The following CHRM5 variants were observed in gnomAD, a reference collection of about 807,000 sequenced individuals.
CHRM5 encodes the protein muscarinic acetylcholine receptor M5.
A neutral mutation model predicts 39.0 loss-of-function variants in CHRM5; 18 were observed. That is an observed-to-expected ratio of 0.46 (90% CI 0.32 to 0.68). The LOEUF is 0.68. Among genes scored for constraint, CHRM5 ranks in the 30% least tolerant of loss-of-function variants. The pLI is 0.04. For synonymous variants in CHRM5, 241 were observed against 246.3 expected, an observed-to-expected ratio of 0.98 and a Z score of 0.20; for missense variants, 515 against 651.1, an observed-to-expected ratio of 0.79 and a Z score of 2.28.
At chr15:34,039,356 C>T (rs1230381712) in intron 1 of CHRM5, among the ~76,000 whole-genome samples, 2 of 151,108 alleles carry the variant, frequency 1.3e-5, no homozygotes, top group Admixed American at 6.6e-5. Context: ...GGGGAGAGAC[C>T]GTGCTAAGTG....
chr15:34,062,520 A>G (rs1284121353), intron 2 of CHRM5, 123 bp from the exon 3 acceptor site: 1 of 541,504 alleles, frequency 1.8e-6, no homozygotes, highest in Non-Finnish European at 3.1e-6. Flanking sequence ...GCACCACTGC[A>G]CTCCAGCCTG....
At chr15:34,030,051 C>G (rs1446886989) in intron 1 of CHRM5, among the ~76,000 whole-genome samples, 2 of 152,042 alleles carry the variant, frequency 1.3e-5, no homozygotes, top group Admixed American at 6.6e-5. Flanking sequence ...GTCAGGAGTT[C>G]GAGCCCAGCC....
At chr15:34,029,780 T>C (rs12903907) in intron 1 of CHRM5, among the ~76,000 whole-genome samples, 27,484 of 152,134 alleles carry the variant, frequency 0.18, 2,697 homozygotes, top group Middle Eastern at 0.29. Context: ...GTATCTGTAA[T>C]AGGGATTAAG....
At chr15:33,993,951 T>G (rs1017294654) in intron 1 of CHRM5, among the ~76,000 whole-genome samples, 10 of 152,258 alleles carry the variant, frequency 6.6e-5, no homozygotes, top group Admixed American at 2.0e-4. Context: ...CTTATTTAAG[T>G]ATTCATTCCA....
intron 1 of CHRM5, among the ~76,000 whole-genome samples, chr15:34,026,296 A>C (rs745618021): frequency 1.3e-5 from 2 of 152,070 alleles, no homozygotes; most frequent in Non-Finnish European, 2.9e-5. Flanking sequence ...GGGCACTTTT[A>C]TTTTCTTCTT....
chr15:33,971,630 AG>A (rs968069213), intron 1 of CHRM5, among the ~76,000 whole-genome samples: 22 of 152,206 alleles, frequency 1.4e-4, no homozygotes, highest in African/African-American at 5.1e-4. Flanking sequence ...TTCAACTTAA[AG>A]GGACATTGCA....
chr15:34,026,520 T>A (rs2140739911), intron 1 of CHRM5, among the ~76,000 whole-genome samples: 1 of 152,288 alleles, frequency 6.6e-6, no homozygotes, highest in Non-Finnish European at 1.5e-5. Flanking sequence ...CAGGAGGTAA[T>A]GTGTGTCAAT....
chr15:34,019,600 T>C (rs1488176226), intron 1 of CHRM5, among the ~76,000 whole-genome samples: 1 of 152,216 alleles, frequency 6.6e-6, no homozygotes, highest in Non-Finnish European at 1.5e-5. Flanking sequence ...AAGCACCCCA[T>C]ACAGGTTTAC....
intron 1 of CHRM5, among the ~76,000 whole-genome samples, chr15:34,042,066 G>A (rs1032302176): frequency 1.3e-5 from 2 of 152,174 alleles, no homozygotes; most frequent in Admixed American, 6.5e-5. Flanking sequence ...CTTTCAACAA[G>A]GATACGGTAT....
At chr15:33,983,653 C>CT (rs1010122896) in intron 1 of CHRM5, among the ~76,000 whole-genome samples, 1 of 152,094 alleles carries the variant, frequency 6.6e-6, no homozygotes, top group African/African-American at 2.4e-5. Flanking sequence ...GAAATTCCTC[C>CT]TTCCATGGAT....
chr15:34,063,368 C>T lies in CHRM5; in HGVS notation c.651C>T (p.Tyr217=). 6.2e-7 allele frequency: 1 copy of T among 1,614,118 alleles called. No homozygotes were observed. Among genetic ancestry groups the T allele is most frequent in the Non-Finnish European group, 8.5e-7 (1 of 1,180,036 alleles). ...TGACCATCCTCTACTGTCGAATCTA[C>T]CGGGAAACAGAGAAGCGAACCAAGG... ...SVMTILYCRI[Y]RETEKRTKDL... The change falls in exon 3 of 3, where the codon TAC becomes TAT. Residue 217 remains tyrosine, a synonymous_variant. Coordinates refer to ENST00000383263, the MANE Select transcript of CHRM5 (RefSeq NM_012125.4). This position sits in a 1 kb window ranked among gnomAD's most constrained non-coding sequence, Gnocchi z 4.1.
chr15:34,013,653 G>A (rs931186409), intron 1 of CHRM5, among the ~76,000 whole-genome samples: 41 of 152,170 alleles, frequency 2.7e-4, no homozygotes, highest in African/African-American at 9.7e-4. Context: ...TGGGAAACAC[G>A]GAGAAGTAAA....
intron 1 of CHRM5, among the ~76,000 whole-genome samples, chr15:34,031,663 C>T (rs142053178): frequency 1.2e-4 from 19 of 152,212 alleles, no homozygotes; most frequent in Middle Eastern, 3.4e-3. Flanking sequence ...GTGCTGTTTG[C>T]ACACACACCA....
intron 1 of CHRM5, among the ~76,000 whole-genome samples, chr15:34,026,297 T>C (rs1356342037): frequency 6.6e-6 from 1 of 152,236 alleles, no homozygotes; most frequent in Non-Finnish European, 1.5e-5. Context: ...GGCACTTTTA[T>C]TTTCTTCTTG....
intron 1 of CHRM5, among the ~76,000 whole-genome samples, chr15:34,040,053 C>T (rs566818865): frequency 1.6e-3 from 239 of 152,322 alleles, no homozygotes; most frequent in Non-Finnish European, 2.8e-4. Flanking sequence ...GTGTTTTCTT[C>T]CCCCTCAGTA....
intron 1 of CHRM5, among the ~76,000 whole-genome samples, chr15:34,001,281 C>T (rs537666795): frequency 6.6e-6 from 1 of 152,284 alleles, no homozygotes; most frequent in South Asian, 2.1e-4. Context: ...CTCGGCCTCC[C>T]AAAGTGCTGG....
intron 1 of CHRM5, among the ~76,000 whole-genome samples, chr15:33,983,367 C>T (rs16954025): frequency 0.093 from 14,148 of 151,646 alleles, 827 homozygotes; most frequent in South Asian, 0.25. Flanking sequence ...CAAACGTACC[C>T]TCATTAACCC....
intron 1 of CHRM5, among the ~76,000 whole-genome samples, chr15:34,035,000 G>A (rs1899051424): frequency 6.6e-6 from 1 of 152,160 alleles, no homozygotes; most frequent in Non-Finnish European, 1.5e-5. Flanking sequence ...AACAATGAAG[G>A]AGCAAGTCCT....
intron 1 of CHRM5, among the ~76,000 whole-genome samples, chr15:33,978,139 C>T (rs1001115267): frequency 6.6e-6 from 1 of 151,974 alleles, no homozygotes; most frequent in Non-Finnish European, 1.5e-5. Context: ...ACCAGAAAAC[C>T]TTAGCGATCC....
Sources: allele counts gnomAD v4.1 joint callset (sites outside exome capture counted in the v4.1 genomes callset), GRCh38; gene constraint gnomAD v4.1.1; non-coding constraint Gnocchi (gnomAD v3.1); transcripts MANE v1.5; gene names NCBI Gene and HGNC (gene_info 2026-07-23, HGNC 2026-07-21).